The following NPIPA8 variants were observed in gnomAD, a reference collection of about 807,000 sequenced individuals.
The protein encoded by NPIPA8 is nuclear pore complex interacting protein family member A8.
In NPIPA8, 1 loss-of-function variant was observed where a neutral mutation model predicts 7.1. That is an observed-to-expected ratio of 0.14 (90% CI 0.05 to 0.66). The LOEUF is 0.66. Among genes scored for constraint, NPIPA8 ranks in the 30% least tolerant of loss-of-function variants. The probability of loss-of-function intolerance (pLI) is 0.84; values close to 1 mark genes in which losing one functional copy is unlikely to be tolerated.
At chr16:18,323,819 G>GAAAAAAA (rs1162097124) in intron 4 of NPIPA8, among the ~76,000 whole-genome samples, 34 of 33,142 alleles carry the variant, frequency 1.0e-3, no homozygotes, top group East Asian at 3.0e-3. Flanking sequence ...CCCATCTCAG[G>GAAAAAAA]AAAAAAAAAA....
chr16:18,323,847 A>AAAAAAAAAAAAAAAAAAG lies in NPIPA8; in HGVS notation c.437+243_437+244insCTTTTTTTTTTTTTTTTT, dbSNP rs750129798. Among the ~76,000 whole-genome samples the AAAAAAAAAAAAAAAAAAG allele has an allele frequency of 6.0e-4, 55 of 91,610 alleles. 9 individuals carry two copies. Among genetic ancestry groups the AAAAAAAAAAAAAAAAAAG allele is most frequent in the East Asian group, 1.4e-3 (4 of 2,848 alleles). The allele number at this position is 91,610 out of a possible 152,430, so 60.1% of individuals were successfully genotyped here. A position where few individuals can be genotyped will look rare whatever the true frequency, so the allele number is the denominator to read the frequency against. On this transcript the variant is annotated intron_variant, in intron 4 of 7. Coordinates refer to ENST00000541810, the Ensembl canonical transcript of NPIPA8. ...AAAAAAAAAAAAAAAAAAAAAAAAA[A>AAAAAAAAAAAAAAAAAAG]AGAGAAAGGAAAACCAATGCCAGTA...
chr16:18,325,304 C>G (rs373483972), intron 2 of NPIPA8, among the ~76,000 whole-genome samples: 8 of 10,782 alleles, frequency 7.4e-4, no homozygotes, highest in Admixed American at 6.0e-3. Flanking sequence ...GCATGGTGGC[C>G]CACGCCTGTA....
chr16:18,336,097 C>A (rs1244286053), upstream of NPIPA8, among the ~76,000 whole-genome samples: 1 of 148,704 alleles, frequency 6.7e-6, no homozygotes, highest in African/African-American at 2.5e-5. Flanking sequence ...GTTGGGATTA[C>A]AGGCGTGAGC....
chr16:18,335,304 T>TGTCC (rs775058874), upstream of NPIPA8, among the ~76,000 whole-genome samples: 103 of 39,982 alleles, frequency 2.6e-3, 1 homozygote, highest in South Asian at 3.9e-3. Flanking sequence ...TTCAGGCGAT[T>TGTCC]GTCCTGGCTC....
At chr16:18,335,945 C>T (rs1385003697), upstream of NPIPA8, among the ~76,000 whole-genome samples, 3 of 150,260 alleles carry the variant, frequency 2.0e-5, no homozygotes, top group Admixed American at 6.6e-5. Context: ...CTCAGCCTCT[C>T]GAGTAGCTGG....
chr16:18,323,855 G>C (rs1271927469), intron 4 of NPIPA8, among the ~76,000 whole-genome samples: 1 of 98,304 alleles, frequency 1.0e-5, no homozygotes, highest in African/African-American at 3.3e-5. Context: ...AAAAGAGAAA[G>C]GAAAACCAAT....
At chr16:18,335,784 G>A (rs1219447281), upstream of NPIPA8, among the ~76,000 whole-genome samples, 7 of 135,390 alleles carry the variant, frequency 5.2e-5, no homozygotes, top group East Asian at 4.4e-4. Flanking sequence ...AAATTCTATC[G>A]TGAAGGCTCT....
chr16:18,325,224 C>T (rs1165817125), intron 2 of NPIPA8, among the ~76,000 whole-genome samples: 17 of 55,528 alleles, frequency 3.1e-4, no homozygotes, highest in Admixed American at 2.6e-3. Context: ...ATCACAAGGT[C>T]AAGAGATGGA....
chr16:18,323,350 A>AG (rs1900028967), intron 4 of NPIPA8, among the ~76,000 whole-genome samples: 1 of 16,266 alleles, frequency 6.1e-5, no homozygotes, highest in Non-Finnish European at 1.1e-4. Flanking sequence ...CTCAAAAAAA[A>AG]AAAAAAAAAA....
At chr16:18,335,508 A>G (rs1900156405), upstream of NPIPA8, among the ~76,000 whole-genome samples, 2 of 117,572 alleles carry the variant, frequency 1.7e-5, no homozygotes, top group South Asian at 5.0e-4. Flanking sequence ...CCATCGTTCC[A>G]TTTTAATTAA....
In NPIPA8 at chr16:18,325,051, T is replaced by C. The variant is rs1242427227; in HGVS notation, c.193-553A>G. 8.9e-5 allele frequency among the ~76,000 whole-genome samples: 6 copies of C among 67,086 alleles called. 1 individual carries two copies. Among genetic ancestry groups the C allele is most frequent in the African/African-American group, 3.5e-4 (5 of 14,196 alleles). The allele number at this position is 67,086 out of a possible 152,430, so 44.0% of individuals were successfully genotyped here. On this transcript the variant is annotated intron_variant, in intron 2 of 7. Transcript: ENST00000541810. ...CGCGAGGCTGAGGCAGGAGAATCAC[T>C]TGAATCCAGCAGGAAAAGGTTGTGG... is the stretch of plus-strand genomic sequence containing the variant.
At chr16:18,335,967 C>T (rs1352320992), upstream of NPIPA8, among the ~76,000 whole-genome samples, 10 of 151,246 alleles carry the variant, frequency 6.6e-5, no homozygotes, top group Non-Finnish European at 1.5e-4. Context: ...ACTACAGGCG[C>T]CCGCCACCAT....
At chr16:18,336,068 C>T (rs375589625), upstream of NPIPA8, among the ~76,000 whole-genome samples, 13 of 151,252 alleles carry the variant, frequency 8.6e-5, no homozygotes, top group Non-Finnish European at 1.0e-4. Flanking sequence ...CTGATCTGCC[C>T]GCCTCGGCCT....
intron 4 of NPIPA8, among the ~76,000 whole-genome samples, chr16:18,323,834 A>T (rs1900053202): frequency 7.7e-6 from 1 of 129,380 alleles, no homozygotes; most frequent in African/African-American, 2.7e-5. Context: ...AAAAAAAAAA[A>T]AAAAAAAAAA....
In NPIPA8 at chr16:18,324,070, TTG is replaced by T; in HGVS notation, c.437+19_437+20del. ...TGGCACATGGTTCATACAACAGTAT[TTG>T]TGTCAAGGCACATCTTACTGTTCTT... is the stretch of plus-strand genomic sequence containing the variant. On this transcript the variant is annotated intron_variant, in intron 4 of 7. Transcript: ENST00000541810. 1.8e-6 allele frequency: 1 copy of T among 561,612 alleles called. No homozygotes were observed. The highest frequency in any genetic ancestry group is 2.8e-5 in the East Asian group (1 of 35,116). 34.8% of individuals were successfully genotyped at this position (561,612 alleles called of 1,614,324 possible). A position where few individuals can be genotyped will look rare whatever the true frequency, so the allele number is the denominator to read the frequency against.
Position 18,323,847 on chromosome 16 carries a change from A to AAG in NPIPA8, c.437+242_437+243dup, listed in dbSNP as rs1555461894. Among the ~76,000 whole-genome samples the AAG allele has an allele frequency of 5.0e-4, 46 of 91,640 alleles. 6 individuals carry two copies. The highest frequency in any genetic ancestry group is 1.5e-3 in the African/African-American group (41 of 26,578). 60.1% of individuals were successfully genotyped at this position (91,640 alleles called of 152,430 possible). On this transcript the variant is annotated intron_variant, in intron 4 of 7. Transcript: ENST00000541810. ...AAAAAAAAAAAAAAAAAAAAAAAAA[A>AAG]AGAGAAAGGAAAACCAATGCCAGTA...
At chr16:18,324,887 T>C (rs376598944) in intron 2 of NPIPA8, among the ~76,000 whole-genome samples, 921 of 85,676 alleles carry the variant, frequency 0.011, 164 homozygotes, top group African/African-American at 0.045. Context: ...GTAATCCCAG[T>C]ACTTTGGGAG....
intron 4 of NPIPA8, among the ~76,000 whole-genome samples, chr16:18,323,753 AG>A (rs1900046841): frequency 9.1e-6 from 1 of 110,258 alleles, no homozygotes; most frequent in African/African-American, 3.0e-5. Context: ...TGAACCCAAA[AG>A]GCAGTGAGTT....
upstream of NPIPA8, among the ~76,000 whole-genome samples, chr16:18,335,867 A>C (rs1305563408): frequency 7.8e-4 from 101 of 129,052 alleles, no homozygotes; most frequent in Middle Eastern, 4.0e-3. Context: ...ATTGCCCAGG[A>C]TGGAGTGCAG....
Sources: allele counts gnomAD v4.1 joint callset (sites outside exome capture counted in the v4.1 genomes callset), GRCh38; gene constraint gnomAD v4.1.1; transcripts MANE v1.5; gene names NCBI Gene and HGNC (gene_info 2026-07-23, HGNC 2026-07-21).